The following ZPBP variants were observed in gnomAD, a reference collection of about 807,000 sequenced individuals.
ZPBP encodes zona pellucida binding protein.
A neutral mutation model predicts 44.8 loss-of-function variants in ZPBP; 26 were observed. That is an observed-to-expected ratio of 0.58 (90% confidence interval 0.43 to 0.81). The LOEUF is 0.81. Ranked by LOEUF, ZPBP falls within the 30% of genes least tolerant of loss-of-function variation. The pLI is 0.00. For synonymous variants in ZPBP, 174 were observed against 153.2 expected, an observed-to-expected ratio of 1.14 and a Z score of -1.00; for missense variants, 409 against 434.0, an observed-to-expected ratio of 0.94 and a Z score of 0.51.
intron 6 of ZPBP, among the ~76,000 whole-genome samples, chr7:50,002,574 C>A (rs1047706479): frequency 2.0e-5 from 3 of 152,120 alleles, no homozygotes; most frequent in Non-Finnish European, 4.4e-5. Context: ...AGAATCTTCC[C>A]AAGACCTAAA....
chr7:49,957,370 A>G (rs564831820), intron 7 of ZPBP, among the ~76,000 whole-genome samples: 1 of 152,328 alleles, frequency 6.6e-6, no homozygotes, highest in Admixed American at 6.5e-5. Context: ...TCACAGGCCC[A>G]GAGTGCCAAG....
At chr7:50,021,822 A>T (rs186003764) in intron 5 of ZPBP, among the ~76,000 whole-genome samples, 2 of 152,248 alleles carry the variant, frequency 1.3e-5, no homozygotes, top group East Asian at 3.9e-4. Context: ...CCCTTCCCAC[A>T]TGCCTTGCCC....
intron 4 of ZPBP, among the ~76,000 whole-genome samples, chr7:50,048,327 T>C (rs1287255070): frequency 1.3e-5 from 2 of 151,714 alleles, no homozygotes; most frequent in African/African-American, 4.8e-5. Context: ...AGGAAGAAGA[T>C]CAACAAAGAA....
intron 7 of ZPBP, among the ~76,000 whole-genome samples, chr7:49,975,456 G>T (rs1483756752): frequency 2.6e-5 from 4 of 152,160 alleles, no homozygotes; most frequent in Non-Finnish European, 5.9e-5. Context: ...TACCCAGTGG[G>T]AATGGGTATC....
chr7:49,930,906 T>G (rs1794422296), intron 1 of ZPBP, among the ~76,000 whole-genome samples: 1 of 152,240 alleles, frequency 6.6e-6, no homozygotes, highest in Non-Finnish European at 1.5e-5. Flanking sequence ...TGAATTGTAA[T>G]ATTCCCCACA....
At chr7:49,969,799 A>T (rs1019211174) in intron 7 of ZPBP, among the ~76,000 whole-genome samples, 28 of 146,000 alleles carry the variant, frequency 1.9e-4, no homozygotes, top group Middle Eastern at 7.1e-3. Context: ...TTATGTTAAT[A>T]AATGTATATA....
chr7:50,054,045 C>T (rs909071243), intron 4 of ZPBP, among the ~76,000 whole-genome samples: 4 of 152,030 alleles, frequency 2.6e-5, no homozygotes, highest in South Asian at 2.1e-4. Context: ...TGCACCACCA[C>T]GCCTGGCTAA....
intron 1 of ZPBP, 56 bp from the exon 2 acceptor site, chr7:50,089,765 T>C: frequency 3.0e-6 from 4 of 1,327,756 alleles, no homozygotes; most frequent in Non-Finnish European, 3.2e-6. Flanking sequence ...AATATTCAAA[T>C]ATACTATTAC....
intron 6 of ZPBP, among the ~76,000 whole-genome samples, chr7:49,996,700 T>C (rs1797865837): frequency 6.6e-6 from 1 of 152,244 alleles, no homozygotes; most frequent in South Asian, 2.1e-4. Flanking sequence ...TTTTATTTTA[T>C]GAGTTAGACT....
chr7:50,092,780 C>A, intron 1 of ZPBP: 1 of 319,984 alleles, frequency 3.1e-6, no homozygotes. Context: ...GCAGATGACC[C>A]ATGGACTGAA....
intron 6 of ZPBP, among the ~76,000 whole-genome samples, chr7:49,987,782 T>C (rs1004551801): frequency 6.7e-6 from 1 of 149,340 alleles, no homozygotes; most frequent in Non-Finnish European, 1.5e-5. Context: ...GCAATGTCTA[T>C]AAAAAAGAGC....
At chr7:50,064,530 T>C (rs931160998) in intron 3 of ZPBP, among the ~76,000 whole-genome samples, 4 of 152,178 alleles carry the variant, frequency 2.6e-5, no homozygotes, top group Non-Finnish European at 4.4e-5. Context: ...AAGAGACAGC[T>C]ACGCCCAGGG....
intron 2 of ZPBP, among the ~76,000 whole-genome samples, chr7:49,892,556 C>T (rs1583769654): frequency 6.6e-6 from 1 of 152,184 alleles, no homozygotes; most frequent in Non-Finnish European, 1.5e-5. Context: ...CATGAGGGGG[C>T]TTCCCAGGCC....
chr7:49,977,723 A>G (rs1224427028), intron 7 of ZPBP, among the ~76,000 whole-genome samples: 1 of 152,226 alleles, frequency 6.6e-6, no homozygotes, highest in Non-Finnish European at 1.5e-5. Flanking sequence ...TGAGCTACAC[A>G]TTTAATCCAT....
chr7:49,856,570 A>G (rs1243616786), intron 2 of ZPBP, among the ~76,000 whole-genome samples: 1 of 152,202 alleles, frequency 6.6e-6, no homozygotes, highest in Non-Finnish European at 1.5e-5. Flanking sequence ...TTATTGAAGT[A>G]TAATTGGTAT....
chr7:50,080,045 TACAAGTAATC>T, intron 3 of ZPBP, among the ~76,000 whole-genome samples: 1 of 151,812 alleles, frequency 6.6e-6, no homozygotes, highest in Non-Finnish European at 1.5e-5. Context: ...CAAAGGAATG[TACAAGTAATC>T]ACATAATTAC....
At chr7:50,014,198 T>A (rs1798708960) in intron 6 of ZPBP, among the ~76,000 whole-genome samples, 1 of 152,018 alleles carries the variant, frequency 6.6e-6, no homozygotes, top group Admixed American at 6.6e-5. Context: ...AAATTGATCA[T>A]TTCAAGGAAA....
At chr7:50,032,054 C>G (rs1411137576) in intron 4 of ZPBP, among the ~76,000 whole-genome samples, 2 of 152,100 alleles carry the variant, frequency 1.3e-5, no homozygotes, top group Non-Finnish European at 2.9e-5. Context: ...CTGAAGTGCA[C>G]CCAGCCATTG....
At chr7:49,882,520 G>GA (rs1179636825) in intron 2 of ZPBP, among the ~76,000 whole-genome samples, 1 of 152,022 alleles carries the variant, frequency 6.6e-6, no homozygotes, top group Non-Finnish European at 1.5e-5. Flanking sequence ...GAGAAAAAGA[G>GA]AGACAGAGGG....
Sources: gnomAD v4.1 joint callset for allele counts (sites outside exome capture counted in the v4.1 genomes callset) on GRCh38, gnomAD v4.1.1 for gene constraint, MANE v1.5 for transcripts, NCBI Gene and HGNC (gene_info 2026-07-23, HGNC 2026-07-21) for gene names.